The following LRRC37A2 variants were observed in gnomAD, a reference collection of about 807,000 sequenced individuals.
LRRC37A2 encodes leucine-rich repeat-containing protein 37A2.
Under a neutral mutation model 68.8 loss-of-function variants are expected in LRRC37A2, and 9 were observed. The ratio of observed to expected loss-of-function variants is 0.13; its 90% CI spans 0.08 to 0.23. The LOEUF (loss-of-function observed/expected upper bound fraction) is 0.23. Among genes scored for constraint, LRRC37A2 ranks in the 10% least tolerant of loss-of-function variants. LRRC37A2 has a pLI of 1.00. For synonymous variants in LRRC37A2, 63 were observed against 367.6 expected, an observed-to-expected ratio of 0.17 and a Z score of 9.48; for missense variants, 168 against 950.4, an observed-to-expected ratio of 0.18 and a Z score of 10.82.
chr17:46,918,289 A>G, the LRRC37A2 span, among the ~76,000 whole-genome samples: 2 of 152,296 alleles, frequency 1.3e-5, no homozygotes, highest in Non-Finnish European at 2.9e-5. Flanking sequence ...CATGTTGGCC[A>G]GGAAGGTCTT....
the LRRC37A2 span, among the ~76,000 whole-genome samples, chr17:46,872,163 C>T: frequency 6.6e-6 from 1 of 152,208 alleles, no homozygotes; most frequent in Non-Finnish European, 1.5e-5. Flanking sequence ...TACAGATTCC[C>T]AGGCCCAATT....
the LRRC37A2 span, among the ~76,000 whole-genome samples, chr17:46,849,237 G>A: frequency 2.6e-5 from 4 of 152,192 alleles, no homozygotes; most frequent in Admixed American, 2.6e-4. Flanking sequence ...TGTCTCCATC[G>A]AGTCTTGGGT....
chr17:46,934,858 A>T, the LRRC37A2 span, among the ~76,000 whole-genome samples: 1 of 152,262 alleles, frequency 6.6e-6, no homozygotes, highest in Admixed American at 6.5e-5. Flanking sequence ...CTGTGTGGAC[A>T]GAGGCCACCC....
the LRRC37A2 span, among the ~76,000 whole-genome samples, chr17:47,034,601 T>C: frequency 2.0e-5 from 3 of 152,104 alleles, no homozygotes; most frequent in South Asian, 2.1e-4. Flanking sequence ...TAGAAAAAAA[T>C]AGAAACAGGG....
the LRRC37A2 span, among the ~76,000 whole-genome samples, chr17:46,867,532 A>C: frequency 6.6e-6 from 1 of 151,996 alleles, no homozygotes; most frequent in Non-Finnish European, 1.5e-5. Context: ...CTTGGGCCCC[A>C]CTCTCCAGGC....
the LRRC37A2 span, chr17:46,941,242 G>T: frequency 1.0e-6 from 1 of 994,964 alleles, no homozygotes; most frequent in Non-Finnish European, 1.2e-6. Context: ...ACTTCACTGC[G>T]GAGTTCTGTA....
chr17:46,921,553 G>T, the LRRC37A2 span, among the ~76,000 whole-genome samples: 2 of 152,110 alleles, frequency 1.3e-5, no homozygotes, highest in African/African-American at 4.8e-5. Flanking sequence ...GCAACCTACA[G>T]AATGGGAGAA....
the LRRC37A2 span, among the ~76,000 whole-genome samples, chr17:46,830,043 A>C: frequency 6.6e-6 from 1 of 152,082 alleles, no homozygotes; most frequent in African/African-American, 2.4e-5. Context: ...GACCAAACAT[A>C]ATGGCAGAAT....
the LRRC37A2 span, among the ~76,000 whole-genome samples, chr17:46,889,415 C>T: frequency 6.6e-6 from 1 of 152,156 alleles, no homozygotes; most frequent in Non-Finnish European, 1.5e-5. Flanking sequence ...GACCAAGTCC[C>T]CTCTGTCCTT....
At chr17:47,000,734 G>A in the LRRC37A2 span, among the ~76,000 whole-genome samples, 1 of 151,960 alleles carries the variant, frequency 6.6e-6, no homozygotes, top group Non-Finnish European at 1.5e-5. Context: ...CTTTATAATC[G>A]TGGGTTTCAG....
At chr17:46,884,960 A>G in the LRRC37A2 span, 1 of 407,704 alleles carries the variant, frequency 2.5e-6, no homozygotes, top group Non-Finnish European at 4.8e-6. Context: ...GCAACCCATC[A>G]AATAGTTATT....
the LRRC37A2 span, among the ~76,000 whole-genome samples, chr17:46,857,117 G>A: frequency 1.3e-5 from 2 of 152,130 alleles, no homozygotes; most frequent in Non-Finnish European, 2.9e-5. Context: ...TTATGGCTGA[G>A]TATTCCTTTG....
chr17:46,833,195 G>A, the LRRC37A2 span: 1 of 392,916 alleles, frequency 2.5e-6, no homozygotes, highest in South Asian at 1.9e-5. Context: ...CAGCACAGAG[G>A]ACGTCAGCAA....
the LRRC37A2 span, among the ~76,000 whole-genome samples, chr17:46,934,314 G>A: frequency 6.6e-6 from 1 of 152,104 alleles, no homozygotes; most frequent in African/African-American, 2.4e-5. Context: ...ACCAGCCTGA[G>A]CAACATGGTG....
the LRRC37A2 span, among the ~76,000 whole-genome samples, chr17:47,042,397 TAGA>T: frequency 3.1e-5 from 4 of 128,700 alleles, no homozygotes; most frequent in East Asian, 2.5e-4. Context: ...CCCAGAGGAG[TAGA>T]AGAAGGTTGA....
the LRRC37A2 span, among the ~76,000 whole-genome samples, chr17:46,823,057 GTATTTA>G: frequency 7.2e-6 from 1 of 138,276 alleles, no homozygotes; most frequent in East Asian, 2.0e-4. Context: ...TAATAAATAT[GTATTTA>G]TAATAAATAT....
At chr17:47,028,938 G>A in the LRRC37A2 span, among the ~76,000 whole-genome samples, 2 of 151,258 alleles carry the variant, frequency 1.3e-5, no homozygotes, top group East Asian at 4.0e-4. Flanking sequence ...CAGCACCTTG[G>A]GAGGCCAAGG....
At chr17:46,733,349 C>CT in the LRRC37A2 span, among the ~76,000 whole-genome samples, 264 of 149,122 alleles carry the variant, frequency 1.8e-3, 1 homozygote, top group Non-Finnish European at 2.4e-3. Context: ...CTGCCACCTT[C>CT]TTTTTTTTTT....
At chr17:46,947,358 C>G in the LRRC37A2 span, among the ~76,000 whole-genome samples, 1 of 152,176 alleles carries the variant, frequency 6.6e-6, no homozygotes, top group Non-Finnish European at 1.5e-5. Flanking sequence ...CCTGCTCCCT[C>G]CCCACCCTGC....
Sources: allele counts gnomAD v4.1 joint callset (sites outside exome capture counted in the v4.1 genomes callset), GRCh38; gene constraint gnomAD v4.1.1; transcripts MANE v1.5; gene names NCBI Gene and HGNC (gene_info 2026-07-23, HGNC 2026-07-21).